The following ADAM12 variants were observed in gnomAD, a reference collection of about 807,000 sequenced individuals.
The protein encoded by ADAM12 is disintegrin and metalloproteinase domain-containing protein 12.
A neutral mutation model predicts 106.4 loss-of-function variants in ADAM12; 70 were observed. The observed-to-expected ratio is 0.66, with a 90% confidence interval of 0.54 to 0.80. ADAM12 has a LOEUF of 0.80. ADAM12 is among the 30% of genes least tolerant of loss of function. ADAM12 has a pLI of 0.00. For missense variants in ADAM12, 1,010 were observed against 1,171.9 expected (o/e 0.86, Z 2.02); for synonymous variants, 420 against 433.5 (o/e 0.97, Z 0.39).
intron 2 of ADAM12, among the ~76,000 whole-genome samples, chr10:126,287,272 T>C (rs1959910739): frequency 6.6e-6 from 1 of 152,218 alleles, no homozygotes; most frequent in African/African-American, 2.4e-5. Flanking sequence ...TGGCCAATTC[T>C]GAAGCAGACG....
chr10:126,051,106 G>A (rs929327121), intron 14 of ADAM12, among the ~76,000 whole-genome samples: 2 of 151,762 alleles, frequency 1.3e-5, no homozygotes, highest in Admixed American at 6.6e-5. Flanking sequence ...TTTCTCTTTC[G>A]TCTATCTGTC....
rs529292316 is a variant in ADAM12, at chr10:126,063,320, C to T, written c.1609+1486G>A. Among the ~76,000 whole-genome samples, 6 of 152,332 alleles carry T rather than the reference C, an allele frequency of 3.9e-5. No individual in the cohort carries two copies. The East Asian group carries it at 9.7e-4, about 25-fold the overall frequency. ...AGAAAGCTCCAAGTACAGAGGACATCGCTGGCTGGCAGGGGACATGGGCCT... is the reference window on the plus strand; with the variant it reads ...AGAAAGCTCCAAGTACAGAGGACATTGCTGGCTGGCAGGGGACATGGGCCT... On this transcript the variant is annotated intron_variant, in intron 14 of 22. Transcript: ENST00000448723.
intron 3 of ADAM12, among the ~76,000 whole-genome samples, chr10:126,261,736 C>T (rs7922192): frequency 0.77 from 116,560 of 151,772 alleles, 45,500 homozygotes; most frequent in East Asian, 0.84. Context: ...ATGTAAAAAA[C>T]GAAAACGGCA....
intron 11 of ADAM12, among the ~76,000 whole-genome samples, chr10:126,072,891 G>T (rs1269238945): frequency 6.6e-6 from 1 of 152,076 alleles, no homozygotes; most frequent in Non-Finnish European, 1.5e-5. Context: ...CAATCAATTG[G>T]CCAAACCAAC....
chr10:126,071,989 A>C (rs1243294968), intron 11 of ADAM12, among the ~76,000 whole-genome samples: 1 of 152,214 alleles, frequency 6.6e-6, no homozygotes, highest in Non-Finnish European at 1.5e-5. Flanking sequence ...GATGCTACGA[A>C]AAGTGAATTC....
chr10:126,269,162 G>A (rs1438950557), intron 3 of ADAM12, among the ~76,000 whole-genome samples: 1 of 152,192 alleles, frequency 6.6e-6, no homozygotes. Flanking sequence ...GTAGCAGTGA[G>A]GATGACTAGG....
At chr10:126,271,543 T>C (rs999090478) in intron 3 of ADAM12, among the ~76,000 whole-genome samples, 36 of 152,238 alleles carry the variant, frequency 2.4e-4, no homozygotes, top group African/African-American at 7.9e-4. Context: ...GGTAGGCAAA[T>C]TGCTTGAGGC....
At chr10:126,375,260 A>G (rs948892695) in intron 1 of ADAM12, among the ~76,000 whole-genome samples, 3 of 151,902 alleles carry the variant, frequency 2.0e-5, no homozygotes, top group African/African-American at 7.3e-5. Flanking sequence ...TTAAAAAAAA[A>G]AAAAGAAAGA....
intron 3 of ADAM12, among the ~76,000 whole-genome samples, chr10:126,185,970 T>C (rs1054528166): frequency 6.6e-6 from 1 of 152,224 alleles, no homozygotes; most frequent in Non-Finnish European, 1.5e-5. Context: ...TTTGTTTAAA[T>C]GTTCTGTCTA....
At chr10:126,207,268 G>C (rs892554118) in intron 3 of ADAM12, among the ~76,000 whole-genome samples, 5 of 152,158 alleles carry the variant, frequency 3.3e-5, no homozygotes, top group African/African-American at 1.2e-4. Context: ...AAGGGAAAGG[G>C]GTTTACTGTG....
At chr10:126,203,019 C>T (rs2927499) in intron 3 of ADAM12, among the ~76,000 whole-genome samples, 29,087 of 152,156 alleles carry the variant, frequency 0.19, 2,903 homozygotes, top group East Asian at 0.29. Context: ...TCCATACTGG[C>T]TCCTTTTAAC....
chr10:126,277,948 C>A (rs969862152), intron 3 of ADAM12, among the ~76,000 whole-genome samples: 2 of 152,222 alleles, frequency 1.3e-5, no homozygotes, highest in African/African-American at 4.8e-5. Flanking sequence ...ATCAAAGCAC[C>A]AACACAAGTA....
intron 1 of ADAM12, among the ~76,000 whole-genome samples, chr10:126,349,358 T>C (rs1201646714): frequency 6.6e-6 from 1 of 152,218 alleles, no homozygotes; most frequent in Non-Finnish European, 1.5e-5. Context: ...CTAACAAATA[T>C]TTCAAAACTG....
chr10:126,325,660 A>C (rs745810511), intron 2 of ADAM12, among the ~76,000 whole-genome samples: 3 of 152,202 alleles, frequency 2.0e-5, no homozygotes, highest in Admixed American at 6.5e-5. Flanking sequence ...CATTTCCTGA[A>C]GTATTCAAAG....
chr10:126,047,834 C>T (rs559646967), intron 16 of ADAM12, among the ~76,000 whole-genome samples: 1 of 152,348 alleles, frequency 6.6e-6, no homozygotes, highest in African/African-American at 2.4e-5. Flanking sequence ...CATAAAGACA[C>T]ATGCACTCAT....
intron 3 of ADAM12, among the ~76,000 whole-genome samples, chr10:126,242,014 G>A (rs928872177): frequency 1.3e-4 from 20 of 149,468 alleles, no homozygotes; most frequent in African/African-American, 4.9e-4. Context: ...ATACATGTTT[G>A]GAATCTTAGA....
intron 11 of ADAM12, among the ~76,000 whole-genome samples, chr10:126,084,881 G>A (rs993675241): frequency 6.6e-6 from 1 of 152,216 alleles, no homozygotes; most frequent in Non-Finnish European, 1.5e-5. Context: ...CCACCTGTGG[G>A]CCCTCTGGCC....
Position 126,015,890 on chromosome 10 carries a change from C to T in ADAM12, c.*1389G>A, listed in dbSNP as rs1277407558. The T allele has an allele frequency of 6.6e-6, 1 of 152,116 alleles. No homozygotes were observed. Among genetic ancestry groups the T allele is most frequent in the Non-Finnish European group, 1.5e-5 (1 of 68,026 alleles). The allele number at this position is 152,116 out of a possible 1,614,324, so 9.4% of individuals were successfully genotyped here. On this transcript the variant is annotated 3_prime_UTR_variant, in exon 23 of 23. Transcript: ENST00000448723. ...TCATGCCATTAGTCACTTTAAAGAC[C>T]TTGTGAAACATGGCTCCCTAGTCAG...
chr10:126,252,751 A>G (rs1247786953), intron 3 of ADAM12, among the ~76,000 whole-genome samples: 1 of 151,960 alleles, frequency 6.6e-6, no homozygotes, highest in Non-Finnish European at 1.5e-5. Flanking sequence ...ACATCCATAC[A>G]TAATGCTTTA....
Sources: gnomAD v4.1 joint callset for allele counts (sites outside exome capture counted in the v4.1 genomes callset) on GRCh38, gnomAD v4.1.1 for gene constraint, MANE v1.5 for transcripts, NCBI Gene and HGNC (gene_info 2026-07-23, HGNC 2026-07-21) for gene names.